The following CCHCR1 variants were observed in gnomAD, a reference collection of about 807,000 sequenced individuals.
CCHCR1 encodes the protein HCR (a-helix coiled-coil rod homologue).
Under a neutral mutation model 114.6 loss-of-function variants are expected in CCHCR1, and 91 were observed. The ratio of observed to expected loss-of-function variants is 0.79; its 90% CI spans 0.67 to 0.94. The LOEUF is 0.94. CCHCR1 is among the 40% of genes least tolerant of loss of function. The probability of loss-of-function intolerance (pLI) is 0.00; values close to 1 mark genes in which losing one functional copy is unlikely to be tolerated. For synonymous variants in CCHCR1, 379 were observed against 428.5 expected (o/e 0.88, Z 1.43); for missense variants, 899 against 1,079.9 (o/e 0.83, Z 2.35).
Position 31,150,129 on chromosome 6 carries a change from G to A in CCHCR1, c.1299C>T (p.Leu433=), listed in dbSNP as rs935583498. The A allele has an allele frequency of 1.9e-6, 3 of 1,614,122 alleles. No individual in the cohort carries two copies. Among genetic ancestry groups the A allele is most frequent in the Admixed American group, 1.7e-5 (1 of 60,012 alleles). ...GCTCCTGGGCCTTTAGCTGCACCATGAGGGCAAACACCTTCTCCCGCCAGC... is the reference window on the plus strand; with the variant it reads ...GCTCCTGGGCCTTTAGCTGCACCATAAGGGCAAACACCTTCTCCCGCCAGC... ...LNRWREKVFA[L]MVQLKAQELE... The change falls in exon 8 of 18, where the codon CTC becomes CTT. Residue 433 remains leucine (L), a synonymous_variant. Coordinates refer to ENST00000396268, the MANE Select transcript of CCHCR1 (RefSeq NM_001105564.2). This position sits in a 1 kb window ranked among gnomAD's most constrained non-coding sequence, Gnocchi z 5.3.
Position 31,150,878 on chromosome 6 carries a change from A to G in CCHCR1, c.966-18T>C, listed in dbSNP as rs1162168176. On this transcript the variant is annotated intron_variant, in intron 5 of 17. Coordinates refer to ENST00000396268, the MANE Select transcript of CCHCR1 (RefSeq NM_001105564.2). The surrounding 1 kb of genome is among the most constrained non-coding windows in gnomAD (Gnocchi z 5.3). ...GGGTCTTGCTAGGGTTGGGGTGGGA[A>G]TGGGACAGCCATCAGTGGGGCGCCC... is the stretch of plus-strand genomic sequence containing the variant. 6.2e-7 allele frequency: 1 copy of G among 1,612,186 alleles called. No individual in the cohort carries two copies. The highest frequency in any genetic ancestry group is 8.5e-7 in the Non-Finnish European group (1 of 1,179,566).
intron 8 of CCHCR1, chr6:31,149,608 A>T (rs1302243649): frequency 2.0e-5 from 3 of 152,114 alleles, no homozygotes; most frequent in Non-Finnish European, 2.9e-5. Flanking sequence ...ATGACCGGCT[A>T]ATTTTTTGTA....
rs1347075540 is a variant in CCHCR1 at position 31,143,409 on chromosome 6, G to C, written c.2172C>G (p.Val724=). The change falls in exon 16 of 18, where the codon GTC becomes GTG. Residue 724 remains valine (V), a synonymous_variant. Transcript: ENST00000396268. This position sits in a 1 kb window ranked among gnomAD's most constrained non-coding sequence, Gnocchi z 5.3. ...EARREHAKAV[V]SLRQIQRRAA... ...CTCTGCGCTGAATCTGGCGTAAGGA[G>C]ACCACTACAGAGAGGCCAAGGCACA... 2 of 1,612,676 alleles carry C rather than the reference G, an allele frequency of 1.2e-6. No individual in the cohort carries two copies. The highest frequency in any genetic ancestry group is 2.7e-5 in the African/African-American group (2 of 74,926).
chr6:31,150,844 A>G lies in CCHCR1; in HGVS notation c.982T>C (p.Leu328=). Residue 328 remains leucine, a synonymous_variant, in exon 6 of 18, where the codon TTG becomes CTG. Transcript: ENST00000396268. The surrounding 1 kb of genome is among the most constrained non-coding windows in gnomAD (Gnocchi z 5.3). The stretch of plus-strand genomic sequence containing the variant: ...TCAACCAGGGTCACCTGAGCCTCCA[A>G]GTCTTCCTGGGTCTTGCTAGGGTTG... ...RKQLSKTQED[L]EAQVTLVENL... is the part of the protein sequence containing the mutation. The G allele has an allele frequency of 6.2e-7, 1 of 1,612,872 alleles. No individual in the cohort carries two copies. The highest frequency in any genetic ancestry group is 8.5e-7 in the Non-Finnish European group (1 of 1,179,934).
intron 4 of CCHCR1, among the ~76,000 whole-genome samples, chr6:31,153,634 C>G (rs931187795): frequency 2.0e-5 from 3 of 152,112 alleles, no homozygotes; most frequent in Non-Finnish European, 4.4e-5. Flanking sequence ...GGCTGGAGTG[C>G]AATGGCACAG....
In CCHCR1 at chr6:31,145,572, G is replaced by A; in HGVS notation, c.1694-79C>T. The A allele has an allele frequency of 3.3e-6, 5 of 1,498,544 alleles. No homozygotes were observed. The South Asian group carries it at 5.6e-5, about 17-fold the overall frequency. The allele number at this position is 1,498,544 out of a possible 1,614,324, so 92.8% of individuals were successfully genotyped here. ...GGGGACAGGGAGTAAGGGAAAAAGA[G>A]ATGCAAGGACTGGTGAAAGGAGGAA... On this transcript the variant is annotated intron_variant, in intron 11 of 17. Coordinates refer to ENST00000396268, the MANE Select transcript of CCHCR1 (RefSeq NM_001105564.2).
chr6:31,154,807 G>T lies in CCHCR1; in HGVS notation c.498-8C>A. 1 of 1,596,882 alleles carries T rather than the reference G, an allele frequency of 6.3e-7. No homozygotes were observed. ...CCCTCCAGCCCCCAGGACCTTCAAA[G>T]ACAGGTTAGTGCAGGTGAGACTTGT... On this transcript the variant is annotated splice_polypyrimidine_tract_variant and splice_region_variant and intron_variant, in intron 3 of 17. Coordinates refer to ENST00000396268, the MANE Select transcript of CCHCR1 (RefSeq NM_001105564.2). This position sits in a 1 kb window ranked among gnomAD's most constrained non-coding sequence, Gnocchi z 4.1.
intron 17 of CCHCR1, 27 bp downstream of exon 17, chr6:31,142,936 C>T: frequency 1.2e-6 from 2 of 1,607,044 alleles, no homozygotes; most frequent in African/African-American, 1.3e-5. Context: ...GCATTTGTCC[C>T]TTGTCCCTTT....
In CCHCR1 at chr6:31,150,848, T is replaced by C; in HGVS notation, c.978A>G (p.Glu326=). Residue 326 remains glutamate (E), a synonymous_variant, in exon 6 of 18, where the codon GAA becomes GAG. Coordinates refer to ENST00000396268, the MANE Select transcript of CCHCR1 (RefSeq NM_001105564.2). The surrounding 1 kb of genome is among the most constrained non-coding windows in gnomAD (Gnocchi z 5.3). Reference sequence around the variant, plus strand: ...CCAGGGTCACCTGAGCCTCCAAGTCTTCCTGGGTCTTGCTAGGGTTGGGGT... The same window carrying C: ...CCAGGGTCACCTGAGCCTCCAAGTCCTCCTGGGTCTTGCTAGGGTTGGGGT... The part of the protein sequence containing the change: ...LLRKQLSKTQ[E]DLEAQVTLVE... The C allele has an allele frequency of 6.2e-7, 1 of 1,612,870 alleles. No individual in the cohort carries two copies. Among genetic ancestry groups the C allele is most frequent in the Non-Finnish European group, 8.5e-7 (1 of 1,179,908 alleles).
In CCHCR1 at chr6:31,157,603, A is replaced by G; in HGVS notation, c.-3T>C. ...GCCCCAGCTGAATGTGGCCACATGC[A>G]GGGCTAGACCCTCCCCAAGACCTTG... On this transcript the variant is annotated 5_prime_UTR_variant, in exon 1 of 18. Coordinates refer to ENST00000396268, the MANE Select transcript of CCHCR1 (RefSeq NM_001105564.2). The G allele has an allele frequency of 6.2e-7, 1 of 1,607,398 alleles. No homozygotes were observed. Among genetic ancestry groups the G allele is most frequent in the Non-Finnish European group, 8.5e-7 (1 of 1,177,876 alleles).
rs1775007872 is a variant in CCHCR1 at position 31,150,219 on chromosome 6, A to C, written c.1213-4T>G. 1 of 1,613,790 alleles carries C rather than the reference A, an allele frequency of 6.2e-7. No individual in the cohort carries two copies. The highest frequency in any genetic ancestry group is 8.5e-7 in the Non-Finnish European group (1 of 1,179,904). ...CCAGGGAATCTGAAGGTTGAACCTGAGGGAGAAGGAGTGGGAGAAAAGTGT... is the reference window on the plus strand; with the variant it reads ...CCAGGGAATCTGAAGGTTGAACCTGCGGGAGAAGGAGTGGGAGAAAAGTGT... On this transcript the variant is annotated splice_region_variant and splice_polypyrimidine_tract_variant and intron_variant, in intron 7 of 17. Coordinates refer to ENST00000396268, the MANE Select transcript of CCHCR1 (RefSeq NM_001105564.2). This position sits in a 1 kb window ranked among gnomAD's most constrained non-coding sequence, Gnocchi z 5.3.
In CCHCR1 at chr6:31,150,587, C is replaced by A. The variant is rs1193075856; in HGVS notation, c.1102-22G>T. The A allele has an allele frequency of 6.2e-7, 1 of 1,601,836 alleles. No homozygotes were observed. The highest frequency in any genetic ancestry group is 8.5e-7 in the Non-Finnish European group (1 of 1,172,570). On this transcript the variant is annotated intron_variant, in intron 6 of 17. Transcript: ENST00000396268. This position sits in a 1 kb window ranked among gnomAD's most constrained non-coding sequence, Gnocchi z 5.3. ...AGTGCTGCGGGCAGAGGAAAGCAGC[C>A]CCTCTGTAGGGCCTCCATGCCGCCT...
chr6:31,143,453 C>G lies in CCHCR1; in HGVS notation c.2168-40G>C. The stretch of plus-strand genomic sequence containing the variant: ...AGGCACAGAGGAGGCAGGTGTGAGT[C>G]AGGCCAGAGGCAGCCAGGCACCATG... On this transcript the variant is annotated intron_variant, in intron 15 of 17. Coordinates refer to ENST00000396268, the MANE Select transcript of CCHCR1 (RefSeq NM_001105564.2). The surrounding 1 kb of genome is among the most constrained non-coding windows in gnomAD (Gnocchi z 5.3). The G allele has an allele frequency of 6.2e-7, 1 of 1,605,974 alleles. No homozygotes were observed. Among genetic ancestry groups the G allele is most frequent in the Non-Finnish European group, 8.5e-7 (1 of 1,176,772 alleles).
rs1407384768 is a variant in CCHCR1 at position 31,143,389 on chromosome 6, C to T, written c.2192G>A (p.Arg731His). 6.8e-6 allele frequency: 11 copies of T among 1,612,958 alleles called. No homozygotes were observed. Among genetic ancestry groups the T allele is most frequent in the Non-Finnish European group, 9.3e-6 (11 of 1,180,016 alleles). ...KAVVSLRQIQ[R>H]RAAQEKERSQ... ...CCGCTCCTTTTCCTGGGCGGCTCTGCGCTGAATCTGGCGTAAGGAGACCAC... is the reference window on the plus strand; with the variant it reads ...CCGCTCCTTTTCCTGGGCGGCTCTGTGCTGAATCTGGCGTAAGGAGACCAC... Residue 731 changes from arginine (R) to histidine (H), a missense_variant, in exon 16 of 18, where the codon CGC becomes CAC. Coordinates refer to ENST00000396268, the MANE Select transcript of CCHCR1 (RefSeq NM_001105564.2). The surrounding 1 kb of genome is among the most constrained non-coding windows in gnomAD (Gnocchi z 5.3).
chr6:31,153,152 G>C (rs1354049730), intron 4 of CCHCR1, among the ~76,000 whole-genome samples: 5 of 151,880 alleles, frequency 3.3e-5, no homozygotes, highest in Non-Finnish European at 5.9e-5. Flanking sequence ...GCTAATTTTT[G>C]TATTTTTTTG....
In CCHCR1 at chr6:31,151,421, G is replaced by A. The variant is rs372583427; in HGVS notation, c.802-299C>T. The stretch of plus-strand genomic sequence containing the variant: ...CCTAACTAGTCTTTACAAACCCTCA[G>A]TGGCTTCTCACAGCATTCACAACAA... On this transcript the variant is annotated intron_variant, in intron 4 of 17. Transcript: ENST00000396268. The surrounding 1 kb of genome is among the most constrained non-coding windows in gnomAD (Gnocchi z 4.1). 2.4e-4 allele frequency among the ~76,000 whole-genome samples: 36 copies of A among 152,258 alleles called. No homozygotes were observed. The highest frequency in any genetic ancestry group is 8.2e-4 in the African/African-American group (34 of 41,556).
At chr6:31,148,333 C>A in intron 10 of CCHCR1, 72 bp downstream of exon 10, 1 of 945,306 alleles carries the variant, frequency 1.1e-6, no homozygotes, top group Admixed American at 2.1e-5. Context: ...GCCTGAGGAT[C>A]CTCAGCAACA....
chr6:31,154,024 C>T lies in CCHCR1; in HGVS notation c.801+472G>A, dbSNP rs756795560. 1.3e-4 allele frequency among the ~76,000 whole-genome samples: 20 copies of T among 152,156 alleles called. No individual in the cohort carries two copies. Among genetic ancestry groups the T allele is most frequent in the Non-Finnish European group, 2.2e-4 (15 of 68,022 alleles). On this transcript the variant is annotated intron_variant, in intron 4 of 17. Coordinates refer to ENST00000396268, the MANE Select transcript of CCHCR1 (RefSeq NM_001105564.2). This position sits in a 1 kb window ranked among gnomAD's most constrained non-coding sequence, Gnocchi z 4.1. ...TTAAATTAAATGTGGATGTGTATAT[C>T]CCCCACGAGGCTGTCAGTTCCATCC...
intron 3 of CCHCR1, 110 bp downstream of exon 3, chr6:31,156,621 A>C: frequency 1.0e-5 from 9 of 881,434 alleles, no homozygotes; most frequent in Non-Finnish European, 1.6e-5. Flanking sequence ...TGCTTACATA[A>C]AAATGAGTAC....
Sources: allele counts gnomAD v4.1 joint callset (sites outside exome capture counted in the v4.1 genomes callset), GRCh38; gene constraint gnomAD v4.1.1; non-coding constraint Gnocchi (gnomAD v3.1); transcripts MANE v1.5; gene names NCBI Gene and HGNC (gene_info 2026-07-23, HGNC 2026-07-21).